Variants in HMCN1 observed in about 807,000 individuals in gnomAD.
HMCN1 encodes hemicentin-1.
HMCN1 carries 321 observed loss-of-function variants against 625.9 expected under a neutral mutation model. The ratio of observed to expected loss-of-function variants is 0.51; its 90% CI spans 0.47 to 0.56. The LOEUF (loss-of-function observed/expected upper bound fraction) is 0.56. Among genes scored for constraint, HMCN1 ranks in the 20% least tolerant of loss-of-function variants. The pLI, the probability that HMCN1 is intolerant of heterozygous loss-of-function variation, is 0.00. For missense variants in HMCN1, 6,588 were observed against 6,887.3 expected (o/e 0.96, Z 1.54); for synonymous variants, 2,425 against 2,417.6 (o/e 1.00, Z -0.09).
Position 185,925,159 on chromosome 1 carries a change from T to A in HMCN1, c.1398T>A (p.Asn466Lys), listed in dbSNP as rs149417407. Residue 466 changes from asparagine (N) to lysine (K), a missense_variant, in exon 9 of 107, where the codon AAT becomes AAA. By Grantham distance (94) the Asn-to-Lys change is moderately conservative (BLOSUM62 0). Coordinates refer to ENST00000271588, the MANE Select transcript of HMCN1 (RefSeq NM_031935.3). ...LLPFTLSFVR[N>K]GVTLGVDQYL... is the part of the protein sequence containing the mutation. ...CCTTTACCTTGAGCTTTGTCAGAAA[T>A]GGAGTTACACTTGGAGTAGACCAGT... 1 of 1,613,926 alleles carries A rather than the reference T, an allele frequency of 6.2e-7. No individual in the cohort carries two copies. Among genetic ancestry groups the A allele is most frequent in the Non-Finnish European group, 8.5e-7 (1 of 1,179,928 alleles).
Position 186,190,733 on chromosome 1 carries a change from A to G in HMCN1, c.*855A>G, listed in dbSNP as rs541425691. 3.0e-5 allele frequency: 6 copies of G among 196,744 alleles called. No individual in the cohort carries two copies. In the South Asian group the frequency reaches 9.5e-4, roughly 31 times the overall value. 12.2% of individuals were successfully genotyped at this position (196,744 alleles called of 1,614,324 possible). On this transcript the variant is annotated 3_prime_UTR_variant, in exon 107 of 107. Transcript: ENST00000271588. ...GTTTTTTAAAAATCTCATGTGTTCA[A>G]ATTAACATAAATATTACACGTCAAT... is the stretch of plus-strand genomic sequence containing the variant.
chr1:186,161,312 G>T (rs1024486532), intron 97 of HMCN1, among the ~76,000 whole-genome samples: 6 of 152,006 alleles, frequency 3.9e-5, no homozygotes, highest in African/African-American at 1.5e-4. Context: ...GCCTATGTGT[G>T]TCTCTGCATG....
intron 1 of HMCN1, among the ~76,000 whole-genome samples, chr1:185,833,052 A>G (rs1049756474): frequency 1.3e-5 from 2 of 152,158 alleles, no homozygotes; most frequent in Admixed American, 6.5e-5. Context: ...TTTCTATAGT[A>G]GCATTTATTT....
chr1:185,744,096 C>T (rs1187332934), intron 1 of HMCN1, among the ~76,000 whole-genome samples: 1 of 147,390 alleles, frequency 6.8e-6, no homozygotes, highest in Admixed American at 6.9e-5. Context: ...TCACGCCATT[C>T]TCCTGCCTCA....
At chr1:186,086,814 T>TGATAGATA (rs10523445) in intron 58 of HMCN1, among the ~76,000 whole-genome samples, 152 of 73,698 alleles carry the variant, frequency 2.1e-3, no homozygotes, top group Middle Eastern at 5.4e-3. Context: ...GATAGATAGA[T>TGATAGATA]GATAGATAGA....
chr1:185,888,494 A>G (rs1207305867), intron 4 of HMCN1, among the ~76,000 whole-genome samples: 5 of 142,930 alleles, frequency 3.5e-5, no homozygotes, highest in Admixed American at 2.7e-4. Context: ...TATAAGGTGT[A>G]AGGAAGGGAT....
At chr1:185,979,170 C>T (rs1221276490) in intron 16 of HMCN1, among the ~76,000 whole-genome samples, 2 of 152,070 alleles carry the variant, frequency 1.3e-5, no homozygotes, top group Non-Finnish European at 2.9e-5. Context: ...AAAGGAGCTA[C>T]TGGGAAGTAC....
chr1:185,958,527 G>C (rs1037535217), intron 11 of HMCN1, among the ~76,000 whole-genome samples: 45 of 152,260 alleles, frequency 3.0e-4, no homozygotes, highest in African/African-American at 1.1e-3. Flanking sequence ...TATTTTAAAT[G>C]CTATAACTTT....
intron 53 of HMCN1, 33 bp from the exon 54 acceptor site, chr1:186,076,395 A>G: frequency 1.9e-6 from 3 of 1,584,764 alleles, no homozygotes; most frequent in South Asian, 1.1e-5. Flanking sequence ...AAGCATTTAT[A>G]TGTGACCAAC....
At position 186,132,375 on chromosome 1, in the gene HMCN1, G is replaced by A. The variant is rs751331715; in HGVS notation, c.13278G>A (p.Gly4426=). The A allele has an allele frequency of 1.4e-5, 22 of 1,612,668 alleles. No homozygotes were observed. The highest frequency in any genetic ancestry group is 1.6e-4 in the Middle Eastern group (1 of 6,078). The change falls in exon 86 of 107, where the codon GGG becomes GGA. Residue 4426 remains glycine, a synonymous_variant. Transcript: ENST00000271588. ...CATGTGTAGCTACCAATGAAGCTGG[G>A]GTGGTGGAGCGCAGCATGAGTCTGA... is the stretch of plus-strand genomic sequence containing the variant. ...DYTCVATNEA[G]VVERSMSLTL...
chr1:186,187,662 C>T (rs766646032), intron 105 of HMCN1, among the ~76,000 whole-genome samples: 5 of 151,990 alleles, frequency 3.3e-5, no homozygotes, highest in Non-Finnish European at 7.4e-5. Flanking sequence ...TTTTTATGTC[C>T]TTTCACATAA....
At chr1:186,126,056 G>A (rs550365961) in intron 82 of HMCN1, among the ~76,000 whole-genome samples, 1 of 152,100 alleles carries the variant, frequency 6.6e-6, no homozygotes, top group East Asian at 1.9e-4. Context: ...AAAATTTTAA[G>A]TGCCAGTGCT....
intron 15 of HMCN1, among the ~76,000 whole-genome samples, chr1:185,970,964 T>C (rs1039465147): frequency 1.3e-5 from 2 of 152,098 alleles, no homozygotes; most frequent in African/African-American, 4.8e-5. Flanking sequence ...TGGGCCACTT[T>C]CTAGGTACCG....
At chr1:185,772,507 A>T (rs1656312925) in intron 1 of HMCN1, among the ~76,000 whole-genome samples, 1 of 152,170 alleles carries the variant, frequency 6.6e-6, no homozygotes, top group Non-Finnish European at 1.5e-5. Context: ...TATCAAGATG[A>T]GTCCAGGGTT....
chr1:185,935,722 A>G (rs962269077), intron 11 of HMCN1, among the ~76,000 whole-genome samples: 1 of 152,090 alleles, frequency 6.6e-6, no homozygotes, highest in East Asian at 1.9e-4. Context: ...ATGATAAGGG[A>G]TATTTCAAAA....
intron 4 of HMCN1, among the ~76,000 whole-genome samples, chr1:185,901,252 C>A (rs1166667264): frequency 6.6e-6 from 1 of 151,720 alleles, no homozygotes; most frequent in African/African-American, 2.4e-5. Context: ...GACCTAGGCC[C>A]TTAGCAGCAC....
At chr1:185,891,509 G>T (rs1030534692) in intron 4 of HMCN1, among the ~76,000 whole-genome samples, 1 of 147,758 alleles carries the variant, frequency 6.8e-6, no homozygotes, top group African/African-American at 2.7e-5. Flanking sequence ...AGGCCTGGTC[G>T]TGACAAAATC....
chr1:185,804,735 G>C (rs976846116), intron 1 of HMCN1, among the ~76,000 whole-genome samples: 1 of 151,822 alleles, frequency 6.6e-6, no homozygotes, highest in Non-Finnish European at 1.5e-5. Flanking sequence ...TCCTTACTTT[G>C]ACCTGATTCC....
intron 4 of HMCN1, among the ~76,000 whole-genome samples, chr1:185,878,697 G>A (rs574738510): frequency 1.3e-5 from 2 of 151,946 alleles, no homozygotes; most frequent in Non-Finnish European, 2.9e-5. Flanking sequence ...CATTTTTACA[G>A]TACTTCTCTC....
Sources: gnomAD v4.1 joint callset for allele counts (sites outside exome capture counted in the v4.1 genomes callset) on GRCh38, gnomAD v4.1.1 for gene constraint, MANE v1.5 for transcripts, NCBI Gene and HGNC (gene_info 2026-07-23, HGNC 2026-07-21) for gene names.